Variants in LDB2 observed in about 807,000 individuals in gnomAD.
LDB2 encodes the protein LIM domain-binding protein 2.
LDB2 carries 12 observed loss-of-function variants against 44.3 expected under a neutral mutation model. The ratio of observed to expected loss-of-function variants is 0.27; its 90% CI spans 0.17 to 0.44. The LOEUF is 0.44. LDB2 is among the 20% of genes least tolerant of loss of function. The pLI, the probability that LDB2 is intolerant of heterozygous loss-of-function variation, is 1.00. For missense variants in LDB2, 344 were observed against 473.5 expected, an observed-to-expected ratio of 0.73 and a Z score of 2.54; for synonymous variants, 164 against 174.8, an observed-to-expected ratio of 0.94 and a Z score of 0.49.
At chr4:16,836,854 T>C (rs923727354) in intron 1 of LDB2, among the ~76,000 whole-genome samples, 1 of 152,206 alleles carries the variant, frequency 6.6e-6, no homozygotes, top group Non-Finnish European at 1.5e-5. Context: ...TTTTGAACTT[T>C]AGCACTTTTT....
At chr4:16,885,698 G>A (rs1580486880) in intron 1 of LDB2, among the ~76,000 whole-genome samples, 1 of 152,098 alleles carries the variant, frequency 6.6e-6, no homozygotes, top group African/African-American at 2.4e-5. Flanking sequence ...TTGATTTATG[G>A]ACCTTGTGAA....
intron 2 of LDB2, among the ~76,000 whole-genome samples, chr4:16,736,713 T>C (rs1056183312): frequency 6.6e-6 from 1 of 152,180 alleles, no homozygotes; most frequent in Non-Finnish European, 1.5e-5. Context: ...GTGTTGACAG[T>C]CTATTTTTCA....
At chr4:16,897,946 GTA>G (rs35836810) in intron 1 of LDB2, among the ~76,000 whole-genome samples, 2,382 of 27,614 alleles carry the variant, frequency 0.086, 66 homozygotes, top group Middle Eastern at 0.11. Flanking sequence ...ATACACATAT[GTA>G]TATATATATA....
intron 5 of LDB2, among the ~76,000 whole-genome samples, chr4:16,584,374 C>T (rs1051254344): frequency 6.6e-6 from 1 of 152,216 alleles, no homozygotes; most frequent in African/African-American, 2.4e-5. Context: ...CCCGTGCTCA[C>T]TAGCAAGAGA....
chr4:16,818,745 A>T (rs985072342), intron 1 of LDB2, among the ~76,000 whole-genome samples: 3 of 152,160 alleles, frequency 2.0e-5, no homozygotes, highest in Non-Finnish European at 4.4e-5. Context: ...TCCAAGAAGG[A>T]AGTTGTATAT....
chr4:16,758,926 G>GCCTCACTC (rs1444989112), intron 2 of LDB2, among the ~76,000 whole-genome samples: 2 of 152,114 alleles, frequency 1.3e-5, no homozygotes, highest in Admixed American at 1.3e-4. Context: ...GTTCATATTT[G>GCCTCACTC]CCTCACTCTC....
intron 3 of LDB2, among the ~76,000 whole-genome samples, chr4:16,592,501 T>C (rs201309439): frequency 0.3 from 39,684 of 133,250 alleles, 6,136 homozygotes; most frequent in East Asian, 0.33. Context: ...TATATATATA[T>C]ATATACACAC....
intron 5 of LDB2, among the ~76,000 whole-genome samples, chr4:16,561,301 T>G (rs1467780688): frequency 6.6e-6 from 1 of 152,212 alleles, no homozygotes; most frequent in Non-Finnish European, 1.5e-5. Flanking sequence ...GATGACGTGA[T>G]TGTATATCTA....
intron 1 of LDB2, among the ~76,000 whole-genome samples, chr4:16,763,604 T>C (rs939046669): frequency 6.6e-6 from 1 of 152,222 alleles, no homozygotes; most frequent in Non-Finnish European, 1.5e-5. Flanking sequence ...TGGCTGTATA[T>C]GAAGGAAGCT....
At chr4:16,575,298 A>G (rs1284392265) in intron 5 of LDB2, among the ~76,000 whole-genome samples, 3 of 152,196 alleles carry the variant, frequency 2.0e-5, no homozygotes, top group Non-Finnish European at 4.4e-5. Context: ...CACAAAGAAA[A>G]TATCTTTTGG....
intron 5 of LDB2, among the ~76,000 whole-genome samples, chr4:16,550,391 C>T (rs1737247440): frequency 6.6e-6 from 1 of 152,302 alleles, no homozygotes; most frequent in Middle Eastern, 3.4e-3. Flanking sequence ...TCTTATTCAT[C>T]TCTGTATTCC....
intron 1 of LDB2, among the ~76,000 whole-genome samples, chr4:16,788,061 G>A (rs758506773): frequency 1.3e-5 from 2 of 152,186 alleles, no homozygotes; most frequent in African/African-American, 2.4e-5. Context: ...TGCAGAAGTC[G>A]ATCCTCCCCC....
chr4:16,703,751 C>A (rs1424084350), intron 2 of LDB2, among the ~76,000 whole-genome samples: 2 of 152,082 alleles, frequency 1.3e-5, no homozygotes, highest in African/African-American at 4.8e-5. Context: ...TAGTGTATGG[C>A]CAATATTTTG....
rs138254606 is a variant in LDB2, at chr4:16,533,289, C to CT, written c.616-21186dup. On this transcript the variant is annotated intron_variant, in intron 5 of 7. Transcript: ENST00000304523. This position sits in a 1 kb window ranked among gnomAD's most constrained non-coding sequence, Gnocchi z 4.1. ...TCGGTGCTATCAACATGTGATTAAC[C>CT]TCTAGTCTGAGGTTAAGGATCCCAC... Among the ~76,000 whole-genome samples the CT allele has an allele frequency of 0.035, 5,332 of 152,212 alleles. 119 individuals carry two copies. Among genetic ancestry groups the CT allele is most frequent in the South Asian group, 0.076 (366 of 4,810 alleles).
chr4:16,688,386 A>T (rs1560885720), intron 2 of LDB2, among the ~76,000 whole-genome samples: 1 of 152,210 alleles, frequency 6.6e-6, no homozygotes, highest in South Asian at 2.1e-4. Flanking sequence ...GGGCTTGGGC[A>T]TTGATGGCAG....
chr4:16,779,711 C>T (rs1352264617), intron 1 of LDB2, among the ~76,000 whole-genome samples: 1 of 152,160 alleles, frequency 6.6e-6, no homozygotes, highest in Non-Finnish European at 1.5e-5. Context: ...ATGAATAGGG[C>T]AAGTTAGTTT....
intron 2 of LDB2, among the ~76,000 whole-genome samples, chr4:16,750,235 G>A (rs1274753580): frequency 6.6e-6 from 1 of 152,202 alleles, no homozygotes; most frequent in Non-Finnish European, 1.5e-5. Flanking sequence ...GTGCACCACA[G>A]AACTTTGCTT....
At position 16,605,996 on chromosome 4, in the gene LDB2, C is replaced by G. The variant is rs554305632; in HGVS notation, c.236-10121G>C. ...TTTAAACTGCTAGGGTTAAGTAAAA[C>G]AGTTACCAGTAAGTGTAGGTTCCCT... On this transcript the variant is annotated intron_variant, in intron 2 of 7. Transcript: ENST00000304523. Among the ~76,000 whole-genome samples the G allele has an allele frequency of 2.0e-5, 3 of 152,314 alleles. No homozygotes were observed. In the East Asian group the frequency reaches 5.8e-4, roughly 29 times the overall value.
intron 2 of LDB2, among the ~76,000 whole-genome samples, chr4:16,720,003 T>A (rs1757911904): frequency 6.6e-6 from 1 of 152,114 alleles, no homozygotes; most frequent in African/African-American, 2.4e-5. Flanking sequence ...ATATTTATCT[T>A]CCTTTAATTT....
Sources: allele counts gnomAD v4.1 joint callset (sites outside exome capture counted in the v4.1 genomes callset), GRCh38; gene constraint gnomAD v4.1.1; non-coding constraint Gnocchi (gnomAD v3.1); transcripts MANE v1.5; gene names NCBI Gene and HGNC (gene_info 2026-07-23, HGNC 2026-07-21).